The following CCSER1 variants were observed in gnomAD, a reference collection of about 807,000 sequenced individuals.
CCSER1 encodes serine-rich coiled-coil domain-containing protein 1.
A neutral mutation model predicts 82.0 loss-of-function variants in CCSER1; 41 were observed. The ratio of observed to expected loss-of-function variants is 0.50; its 90% CI spans 0.39 to 0.65. The LOEUF (loss-of-function observed/expected upper bound fraction) is 0.65, where lower values mean the gene tolerates loss of function less well. Among genes scored for constraint, CCSER1 ranks in the 30% least tolerant of loss-of-function variants. The probability of loss-of-function intolerance (pLI) is 0.00; values close to 1 mark genes in which losing one functional copy is unlikely to be tolerated. For synonymous variants in CCSER1, 414 were observed against 383.9 expected (o/e 1.08, Z -0.92); for missense variants, 1,119 against 1,064.2 (o/e 1.05, Z -0.72).
intron 6 of CCSER1, among the ~76,000 whole-genome samples, chr4:90,699,337 C>T (rs557800583): frequency 7.9e-5 from 12 of 152,146 alleles, no homozygotes; most frequent in Middle Eastern, 3.4e-3. Context: ...TGGTGGTACA[C>T]GCCTGTAATC....
intron 8 of CCSER1, among the ~76,000 whole-genome samples, chr4:90,909,937 A>G (rs990134365): frequency 2.6e-5 from 4 of 152,214 alleles, no homozygotes; most frequent in Non-Finnish European, 5.9e-5. Flanking sequence ...TCACACTGCT[A>G]TAAAGAACTA....
chr4:90,467,411 G>T (rs1763784736), intron 4 of CCSER1, among the ~76,000 whole-genome samples: 1 of 150,868 alleles, frequency 6.6e-6, no homozygotes, highest in Admixed American at 6.6e-5. Context: ...AAAGGGCCTG[G>T]CTGGTGGCTC....
intron 7 of CCSER1, among the ~76,000 whole-genome samples, chr4:90,754,814 A>ATTT (rs1431652473): frequency 6.6e-6 from 1 of 152,198 alleles, no homozygotes; most frequent in Non-Finnish European, 1.5e-5. Context: ...CAGTATCTTA[A>ATTT]ACCCTATTGA....
chr4:91,354,045 A>G (rs72880818), intron 10 of CCSER1, among the ~76,000 whole-genome samples: 11,358 of 152,204 alleles, frequency 0.075, 1,387 homozygotes, highest in African/African-American at 0.26. Context: ...GAGCTAGTCT[A>G]TTTTGATAGA....
chr4:90,661,359 G>T (rs6828732), intron 6 of CCSER1, among the ~76,000 whole-genome samples: 72,543 of 151,882 alleles, frequency 0.48, 17,582 homozygotes, highest in Middle Eastern at 0.65. Flanking sequence ...TGACTTTATT[G>T]TCCTTCTGTG....
intron 10 of CCSER1, among the ~76,000 whole-genome samples, chr4:91,156,807 T>G (rs1730865487): frequency 6.6e-6 from 1 of 151,920 alleles, no homozygotes; most frequent in African/African-American, 2.4e-5. Context: ...TGCCCTAGAT[T>G]TCATTTGCTG....
At chr4:90,845,185 AC>A (rs906514897) in intron 8 of CCSER1, among the ~76,000 whole-genome samples, 125 of 151,794 alleles carry the variant, frequency 8.2e-4, no homozygotes, top group African/African-American at 2.9e-3. Flanking sequence ...ACAAGGTGAA[AC>A]CCCGTCTCTA....
intron 1 of CCSER1, among the ~76,000 whole-genome samples, chr4:90,150,078 A>T (rs77429263): frequency 0.024 from 3,689 of 152,238 alleles, 143 homozygotes; most frequent in African/African-American, 0.082. Flanking sequence ...GGGGATAACC[A>T]CATCCTCAAC....
chr4:91,564,454 T>C (rs1290325840), intron 10 of CCSER1, among the ~76,000 whole-genome samples: 1 of 152,014 alleles, frequency 6.6e-6, no homozygotes, highest in African/African-American at 2.4e-5. Context: ...CTGTTAGCTC[T>C]TTGAGGAATT....
chr4:91,087,145 A>G (rs1318126203), intron 10 of CCSER1, among the ~76,000 whole-genome samples: 2 of 152,092 alleles, frequency 1.3e-5, no homozygotes, highest in Non-Finnish European at 2.9e-5. Flanking sequence ...AGAAAGAACT[A>G]AACTGATCAC....
chr4:91,086,155 C>T (rs1437908174), intron 10 of CCSER1, among the ~76,000 whole-genome samples, 161 bp downstream of exon 10: 1 of 152,032 alleles, frequency 6.6e-6, no homozygotes, highest in African/African-American at 2.4e-5. Context: ...TCTGCCAAAG[C>T]ATATTTTACA....
intron 8 of CCSER1, among the ~76,000 whole-genome samples, chr4:90,902,858 T>A (rs1472068785): frequency 2.0e-5 from 3 of 151,928 alleles, no homozygotes; most frequent in Admixed American, 2.0e-4. Context: ...CAGGCAGAGA[T>A]CCTGTTGGGT....
intron 9 of CCSER1, among the ~76,000 whole-genome samples, chr4:90,992,524 G>C (rs982387417): frequency 6.6e-6 from 1 of 151,900 alleles, no homozygotes; most frequent in Non-Finnish European, 1.5e-5. Flanking sequence ...GGCTTAGCTA[G>C]GTCTTCTGCT....
intron 4 of CCSER1, among the ~76,000 whole-genome samples, chr4:90,415,760 A>G (rs1455281140): frequency 6.6e-6 from 1 of 152,242 alleles, no homozygotes; most frequent in Non-Finnish European, 1.5e-5. Flanking sequence ...TCATAGGATT[A>G]TCTTCGTAGT....
At chr4:90,214,841 G>T (rs1359585095) in intron 1 of CCSER1, among the ~76,000 whole-genome samples, 1 of 152,134 alleles carries the variant, frequency 6.6e-6, no homozygotes, top group Non-Finnish European at 1.5e-5. Context: ...CTTTTACAAA[G>T]AATTTTGAAT....
chr4:90,819,496 G>T (rs1759461709), intron 8 of CCSER1, among the ~76,000 whole-genome samples: 1 of 151,696 alleles, frequency 6.6e-6, no homozygotes, highest in Non-Finnish European at 1.5e-5. Flanking sequence ...TCTACCATAT[G>T]ATTTCAAAAT....
chr4:91,496,470 A>G (rs1298441768), intron 10 of CCSER1, among the ~76,000 whole-genome samples: 1 of 146,470 alleles, frequency 6.8e-6, no homozygotes, highest in African/African-American at 2.5e-5. Context: ...TTTTATAAAC[A>G]CTGTGATCTA....
At chr4:90,800,277 A>AT (rs1042666427) in intron 7 of CCSER1, among the ~76,000 whole-genome samples, 3 of 151,968 alleles carry the variant, frequency 2.0e-5, no homozygotes, top group African/African-American at 7.3e-5. Context: ...TATCATTATT[A>AT]TTTTTTGTAG....
chr4:90,894,304 C>T (rs980097653), intron 8 of CCSER1, among the ~76,000 whole-genome samples: 1 of 151,868 alleles, frequency 6.6e-6, no homozygotes, highest in African/African-American at 2.4e-5. Flanking sequence ...CTCAAACCAC[C>T]CTATCACATT....
Sources: gnomAD v4.1 joint callset for allele counts (sites outside exome capture counted in the v4.1 genomes callset) on GRCh38, gnomAD v4.1.1 for gene constraint, MANE v1.5 for transcripts, NCBI Gene and HGNC (gene_info 2026-07-23, HGNC 2026-07-21) for gene names.